Variants in PLXNA4 observed in about 807,000 individuals in gnomAD.
PLXNA4 encodes the protein plexin A4, also known as plexin-A4.
Under a neutral mutation model 191.8 loss-of-function variants are expected in PLXNA4, and 44 were observed. The ratio of observed to expected loss-of-function variants is 0.23; its 90% confidence interval spans 0.18 to 0.29. The LOEUF (loss-of-function observed/expected upper bound fraction) is 0.29. Among genes scored for constraint, PLXNA4 ranks in the 10% least tolerant of loss-of-function variants. The pLI, the probability that PLXNA4 is intolerant of heterozygous loss-of-function variation, is 1.00. For synonymous variants in PLXNA4, 1,082 were observed against 1,009.5 expected, an observed-to-expected ratio of 1.07 and a Z score of -1.36; for missense variants, 1,800 against 2,488.8, an observed-to-expected ratio of 0.72 and a Z score of 5.89.
intron 1 of PLXNA4, among the ~76,000 whole-genome samples, chr7:132,526,233 C>T (rs12535783): frequency 0.038 from 5,749 of 152,108 alleles, 274 homozygotes; most frequent in African/African-American, 0.11. Flanking sequence ...CTTGATATTC[C>T]CTTCCCACCA....
At chr7:132,263,189 T>A (rs1380100863) in intron 4 of PLXNA4, among the ~76,000 whole-genome samples, 1 of 152,152 alleles carries the variant, frequency 6.6e-6, no homozygotes, top group Non-Finnish European at 1.5e-5. Context: ...TCCATCTAGT[T>A]GGCAGAGATG....
At chr7:132,327,103 A>AGGGAGAGAAGAGAGGAGGGAGGGTGGGAG in intron 3 of PLXNA4, among the ~76,000 whole-genome samples, 1 of 148,662 alleles carries the variant, frequency 6.7e-6, no homozygotes, top group Non-Finnish European at 1.5e-5. Flanking sequence ...GAAAGGAGGG[A>AGGGAGAGAAGAGAGGAGGGAGGGTGGGAG]GAAAGAAATG....
At chr7:132,590,710 G>T (rs927244926) in intron 2 of PLXNA4, among the ~76,000 whole-genome samples, 1 of 152,174 alleles carries the variant, frequency 6.6e-6, no homozygotes, top group East Asian at 1.9e-4. Context: ...AGGGTGGGTT[G>T]TGCCTCTCCT....
intron 5 of PLXNA4, among the ~76,000 whole-genome samples, chr7:132,234,197 C>T (rs1279768734): frequency 1.3e-5 from 2 of 152,182 alleles, no homozygotes; most frequent in African/African-American, 2.4e-5. Context: ...AAGGAGAATG[C>T]TGCCTATTAC....
chr7:132,135,714 A>T (rs1352447930), intron 30 of PLXNA4, among the ~76,000 whole-genome samples: 1 of 152,132 alleles, frequency 6.6e-6, no homozygotes, highest in Non-Finnish European at 1.5e-5. Flanking sequence ...GAGGGCAGGG[A>T]GTTGAGAGTA....
At chr7:132,498,346 T>G (rs1798111034) in intron 2 of PLXNA4, among the ~76,000 whole-genome samples, 1 of 152,150 alleles carries the variant, frequency 6.6e-6, no homozygotes, top group South Asian at 2.1e-4. Flanking sequence ...CATTTCCACG[T>G]GGCTGGGGAG....
chr7:132,443,606 G>A (rs936720098), intron 3 of PLXNA4, among the ~76,000 whole-genome samples: 3 of 152,154 alleles, frequency 2.0e-5, no homozygotes, highest in Non-Finnish European at 2.9e-5. Context: ...GACACTGCGC[G>A]TGGTCGTGAC....
At chr7:132,620,607 G>A (rs1052343104) in intron 2 of PLXNA4, among the ~76,000 whole-genome samples, 2 of 152,096 alleles carry the variant, frequency 1.3e-5, no homozygotes, top group African/African-American at 4.8e-5. Flanking sequence ...TCTTCCCTGT[G>A]CTTTGACATA....
chr7:132,447,996 T>G (rs1226138916), intron 3 of PLXNA4, among the ~76,000 whole-genome samples: 1 of 151,968 alleles, frequency 6.6e-6, no homozygotes, highest in Non-Finnish European at 1.5e-5. Flanking sequence ...GGACAACAGA[T>G]GGAGATCTTG....
In PLXNA4 at chr7:132,164,280, A is replaced by T; in HGVS notation, c.4362T>A (p.Ala1454=). The change falls in exon 24 of 32, where the codon GCT becomes GCA. Residue 1454 remains alanine, a synonymous_variant. Transcript: ENST00000321063. The stretch of plus-strand genomic sequence containing the variant: ...AGAACAGGGAGAAGAGGGGCTCCCC[A>T]GCACACTCCTGGAGGTGAGAAGAAC... ...FLLYKFLKEC[A]GEPLFSLFCA... 6.2e-7 allele frequency: 1 copy of T among 1,614,168 alleles called. No individual in the cohort carries two copies. The highest frequency in any genetic ancestry group is 8.5e-7 in the Non-Finnish European group (1 of 1,180,018).
At chr7:132,172,440 A>T (rs1023682088) in intron 21 of PLXNA4, among the ~76,000 whole-genome samples, 3 of 152,058 alleles carry the variant, frequency 2.0e-5, no homozygotes, top group African/African-American at 7.2e-5. Flanking sequence ...GCAAGAGGAC[A>T]CCTCCTTCTT....
chr7:132,448,691 T>C (rs1795999931), intron 3 of PLXNA4, among the ~76,000 whole-genome samples: 1 of 152,254 alleles, frequency 6.6e-6, no homozygotes, highest in Non-Finnish European at 1.5e-5. Context: ...TTATTGTTTC[T>C]TGTTCTCAGA....
chr7:132,174,722 GA>G (rs1796401719), intron 21 of PLXNA4, 55 bp downstream of exon 21: 2 of 1,587,266 alleles, frequency 1.3e-6, no homozygotes, highest in Non-Finnish European at 1.7e-6. Context: ...GGCTGGACTT[GA>G]AGATTGCCAA....
intron 1 of PLXNA4, among the ~76,000 whole-genome samples, chr7:132,547,800 A>C (rs916570168): frequency 3.9e-5 from 6 of 152,086 alleles, no homozygotes; most frequent in Non-Finnish European, 4.4e-5. Flanking sequence ...GGTGGCCTAG[A>C]TTTTTACTCT....
chr7:132,303,277 T>C (rs1389978645), intron 3 of PLXNA4, among the ~76,000 whole-genome samples: 1 of 133,748 alleles, frequency 7.5e-6, no homozygotes, highest in Admixed American at 7.7e-5. Flanking sequence ...TGGTAGAAAA[T>C]GTAAAGAAAT....
intron 5 of PLXNA4, among the ~76,000 whole-genome samples, chr7:132,229,710 C>T (rs1226304380): frequency 4.6e-5 from 7 of 152,048 alleles, no homozygotes; most frequent in Non-Finnish European, 8.8e-5. Context: ...GGACACAGAA[C>T]AGCCAGGGAT....
At chr7:132,578,640 C>T (rs141011326), upstream of PLXNA4, among the ~76,000 whole-genome samples, 717 of 152,258 alleles carry the variant, frequency 4.7e-3, 5 homozygotes, top group Middle Eastern at 0.027. Context: ...GCTTGGCCCA[C>T]CCAGAGAGGA....
At chr7:132,208,023 A>G (rs1158394149) in intron 10 of PLXNA4, among the ~76,000 whole-genome samples, 2 of 152,100 alleles carry the variant, frequency 1.3e-5, no homozygotes, top group South Asian at 2.1e-4. Flanking sequence ...AGGATTAAGT[A>G]GATACCCTCT....
At chr7:132,634,420 G>A (rs568427016) in intron 2 of PLXNA4, among the ~76,000 whole-genome samples, 8 of 151,410 alleles carry the variant, frequency 5.3e-5, no homozygotes, top group South Asian at 2.1e-4. Context: ...GGAGTGAGTA[G>A]GGGTCTGACA....
Sources: gnomAD v4.1 joint callset for allele counts (sites outside exome capture counted in the v4.1 genomes callset) on GRCh38, gnomAD v4.1.1 for gene constraint, MANE v1.5 for transcripts, NCBI Gene and HGNC (gene_info 2026-07-23, HGNC 2026-07-21) for gene names.